The following CPVL variants were observed in gnomAD, a reference collection of about 807,000 sequenced individuals.
CPVL encodes carboxypeptidase vitellogenic like, also known as probable serine carboxypeptidase CPVL.
A neutral mutation model predicts 63.7 loss-of-function variants in CPVL; 51 were observed. The ratio of observed to expected loss-of-function variants is 0.80; its 90% CI spans 0.64 to 1.01. The LOEUF (loss-of-function observed/expected upper bound fraction) is 1.01. CPVL is among the 50% of genes least tolerant of loss of function. CPVL has a pLI of 0.00. For synonymous variants in CPVL, 195 were observed against 206.0 expected, an observed-to-expected ratio of 0.95 and a Z score of 0.46; for missense variants, 530 against 573.1, an observed-to-expected ratio of 0.92 and a Z score of 0.77.
intron 3 of CPVL, among the ~76,000 whole-genome samples, chr7:29,098,190 G>A (rs538127731): frequency 3.3e-5 from 5 of 152,278 alleles, no homozygotes; most frequent in Admixed American, 2.0e-4. Flanking sequence ...CCTGGATGGC[G>A]GGAGAAGGCT....
chr7:29,137,846 CATAAGT>C (rs67051591), intron 1 of CPVL, among the ~76,000 whole-genome samples: 20,307 of 152,062 alleles, frequency 0.13, 1,338 homozygotes, highest in African/African-American at 0.15. Context: ...AGGAGAAAAG[CATAAGT>C]AGGAAGTGGA....
intron 3 of CPVL, among the ~76,000 whole-genome samples, chr7:29,102,183 T>G (rs1787210166): frequency 1.3e-5 from 2 of 152,176 alleles, no homozygotes; most frequent in South Asian, 4.1e-4. Context: ...ACTTAACTCC[T>G]CTGTGTTTCA....
intron 12 of CPVL, among the ~76,000 whole-genome samples, chr7:29,025,356 C>T: frequency 6.6e-6 from 1 of 152,184 alleles, no homozygotes; most frequent in East Asian, 1.9e-4. Flanking sequence ...ATGTGTTTCA[C>T]ATGACAAGAG....
At chr7:29,134,831 G>A (rs1791028971) in intron 1 of CPVL, among the ~76,000 whole-genome samples, 1 of 152,144 alleles carries the variant, frequency 6.6e-6, no homozygotes, top group Non-Finnish European at 1.5e-5. Context: ...GAGATCAGGT[G>A]GCTCATACCT....
intron 11 of CPVL, among the ~76,000 whole-genome samples, chr7:29,051,786 T>G (rs1405057025): frequency 6.6e-6 from 1 of 151,952 alleles, no homozygotes; most frequent in Non-Finnish European, 1.5e-5. Context: ...AAAAGATACT[T>G]GCACACAGGT....
chr7:29,051,480 C>T (rs1057484642), intron 11 of CPVL, among the ~76,000 whole-genome samples: 4 of 152,006 alleles, frequency 2.6e-5, no homozygotes, highest in Admixed American at 2.0e-4. Context: ...AAATGGCCAA[C>T]AAATATATGA....
chr7:28,995,993 C>G lies in CPVL; in HGVS notation c.1321-111G>C, dbSNP rs975763590. On this transcript the variant is annotated intron_variant, in intron 12 of 12. Coordinates refer to ENST00000265394, the MANE Select transcript of CPVL (RefSeq NM_031311.5). Reference sequence around the variant, plus strand: ...TTTAAAACTCACATGAAATACAGAACATATTCTCCCAATGCATGCCTTTGG... The same window carrying G: ...TTTAAAACTCACATGAAATACAGAAGATATTCTCCCAATGCATGCCTTTGG... 4.8e-6 allele frequency: 3 copies of G among 625,234 alleles called. No individual in the cohort carries two copies. The Admixed American group carries it at 1.1e-4, about 23-fold the overall frequency. The allele number at this position is 625,234 out of a possible 1,614,324, so 38.7% of individuals were successfully genotyped here. A position where few individuals can be genotyped will look rare whatever the true frequency, so the allele number is the denominator to read the frequency against.
chr7:29,058,723 C>A (rs1183548140), intron 11 of CPVL, among the ~76,000 whole-genome samples: 2 of 152,090 alleles, frequency 1.3e-5, no homozygotes, highest in Non-Finnish European at 2.9e-5. Context: ...ACTCCATGCT[C>A]TTCTTGTTGG....
intron 7 of CPVL, among the ~76,000 whole-genome samples, chr7:29,072,633 C>T (rs1306917343): frequency 6.6e-6 from 1 of 152,160 alleles, no homozygotes; most frequent in Admixed American, 6.5e-5. Flanking sequence ...ATGACATGAA[C>T]AGGTTCGATG....
chr7:29,138,877 G>A (rs1016507542), intron 1 of CPVL, among the ~76,000 whole-genome samples: 3 of 152,068 alleles, frequency 2.0e-5, no homozygotes, highest in African/African-American at 7.2e-5. Context: ...TCCCTCCTTC[G>A]ACTCATTCAG....
chr7:29,105,739 T>C (rs167741), intron 3 of CPVL, among the ~76,000 whole-genome samples: 3,596 of 152,216 alleles, frequency 0.024, 149 homozygotes, highest in African/African-American at 0.083. Flanking sequence ...CAGCCATGGG[T>C]ATCACAGACA....
intron 12 of CPVL, among the ~76,000 whole-genome samples, chr7:28,999,864 T>C (rs1784444783): frequency 6.6e-6 from 1 of 151,764 alleles, no homozygotes; most frequent in Admixed American, 6.6e-5. Context: ...CAAAAATAAA[T>C]ATATTTTTGA....
chr7:29,035,876 T>C (rs538569358), intron 11 of CPVL, among the ~76,000 whole-genome samples: 46 of 152,324 alleles, frequency 3.0e-4, no homozygotes, highest in African/African-American at 1.0e-3. Context: ...CTGCCTCCTC[T>C]GGCAAAGGAT....
intron 7 of CPVL, among the ~76,000 whole-genome samples, chr7:29,082,962 G>A (rs184133426): frequency 7.6e-4 from 115 of 152,256 alleles, no homozygotes; most frequent in Non-Finnish European, 1.1e-3. Context: ...CAGGGTTGTT[G>A]CCAAATAATG....
intron 1 of CPVL, among the ~76,000 whole-genome samples, chr7:29,137,223 G>C (rs183101462): frequency 1.2e-3 from 178 of 152,288 alleles, no homozygotes; most frequent in Non-Finnish European, 1.9e-3. Context: ...AGGTTTAGTA[G>C]GCAAAAGAAA....
chr7:29,166,477 G>A (rs1296389041), intron 5 of CPVL, among the ~76,000 whole-genome samples: 5 of 143,496 alleles, frequency 3.5e-5, no homozygotes, highest in African/African-American at 1.5e-4. Context: ...TTGTTCGTTT[G>A]TTTGTTTTAT....
At chr7:29,091,380 T>C (rs1785766680) in intron 6 of CPVL, among the ~76,000 whole-genome samples, 1 of 151,846 alleles carries the variant, frequency 6.6e-6, no homozygotes, top group East Asian at 1.9e-4. Flanking sequence ...CTGAGCTTGT[T>C]TGGATTTAAA....
chr7:29,093,075 A>G (rs765757736), intron 5 of CPVL, among the ~76,000 whole-genome samples: 11 of 152,120 alleles, frequency 7.2e-5, no homozygotes, highest in Admixed American at 1.3e-4. Flanking sequence ...TGGAGAGTGC[A>G]TGGCTCTGTC....
chr7:29,143,877 T>C (rs775427159), intron 1 of CPVL, among the ~76,000 whole-genome samples: 1 of 152,222 alleles, frequency 6.6e-6, no homozygotes, highest in East Asian at 1.9e-4. Flanking sequence ...TGTGATTTCA[T>C]GTTCAAGGTT....
Sources: allele counts gnomAD v4.1 joint callset (sites outside exome capture counted in the v4.1 genomes callset), GRCh38; gene constraint gnomAD v4.1.1; transcripts MANE v1.5; gene names NCBI Gene and HGNC (gene_info 2026-07-23, HGNC 2026-07-21).